CWC27: variants seen among roughly 807,000 people sequenced by gnomAD.
CWC27 encodes CWC27 spliceosome associated cyclophilin.
A neutral mutation model predicts 63.6 loss-of-function variants in CWC27; 47 were observed. That is an observed-to-expected ratio of 0.74 (90% CI 0.58 to 0.94). CWC27 has a LOEUF of 0.94. CWC27 is among the 40% of genes least tolerant of loss of function. The pLI is 0.00. For missense variants in CWC27, 495 were observed against 554.3 expected (o/e 0.89, Z 1.07); for synonymous variants, 175 against 179.8 (o/e 0.97, Z 0.22).
intron 2 of CWC27, among the ~76,000 whole-genome samples, chr5:64,775,311 C>A (rs1743402411): frequency 1.3e-5 from 2 of 152,172 alleles, no homozygotes. Flanking sequence ...ACCTGTATGA[C>A]TGTAATTGCC....
chr5:64,895,403 T>C (rs1467615985), intron 11 of CWC27, among the ~76,000 whole-genome samples: 1 of 151,564 alleles, frequency 6.6e-6, no homozygotes, highest in Non-Finnish European at 1.5e-5. Flanking sequence ...GTTTTGACAA[T>C]TATGAACAAT....
chr5:64,892,948 A>G lies in CWC27; in HGVS notation c.1042+7402A>G, dbSNP rs149542312. 2.7e-3 allele frequency among the ~76,000 whole-genome samples: 412 copies of G among 152,350 alleles called. 2 individuals are homozygous for G. The highest frequency in any genetic ancestry group is 9.5e-3 in the African/African-American group (395 of 41,584). On this transcript the variant is annotated intron_variant, in intron 11 of 13. Coordinates refer to ENST00000381070, the MANE Select transcript of CWC27 (RefSeq NM_005869.4). ...CCTCTTTCTCAGCTGGCCACTAAAA[A>G]TTCTGCAAGGAAAGATTACATTCAG...
At chr5:64,827,039 G>A (rs1745381198) in intron 10 of CWC27, among the ~76,000 whole-genome samples, 1 of 152,102 alleles carries the variant, frequency 6.6e-6, no homozygotes, top group Non-Finnish European at 1.5e-5. Flanking sequence ...AATTTTCAAT[G>A]TGTTTTTCTT....
intron 10 of CWC27, among the ~76,000 whole-genome samples, chr5:64,827,608 A>G (rs1453165315): frequency 6.6e-6 from 1 of 152,212 alleles, no homozygotes; most frequent in Non-Finnish European, 1.5e-5. Context: ...TAAAACAGAA[A>G]TAAAAACAGC....
At chr5:64,806,879 G>A in intron 10 of CWC27, among the ~76,000 whole-genome samples, 1 of 152,038 alleles carries the variant, frequency 6.6e-6, no homozygotes, top group East Asian at 1.9e-4. Flanking sequence ...AGTACTTTTG[G>A]TTATTTATAC....
intron 10 of CWC27, among the ~76,000 whole-genome samples, chr5:64,809,613 C>T (rs1192140202): frequency 3.9e-5 from 6 of 152,188 alleles, no homozygotes; most frequent in Non-Finnish European, 5.9e-5. Context: ...GTGATCCACC[C>T]GCCTCTGCCT....
chr5:65,004,406 G>GGA (rs1481599633), intron 13 of CWC27, among the ~76,000 whole-genome samples: 1 of 145,546 alleles, frequency 6.9e-6, no homozygotes, highest in African/African-American at 2.5e-5. Context: ...TTTGGTGGGG[G>GGA]GGTGGTCTGA....
chr5:64,919,419 T>G (rs1446772745), intron 11 of CWC27, among the ~76,000 whole-genome samples: 1 of 152,184 alleles, frequency 6.6e-6, no homozygotes, highest in Non-Finnish European at 1.5e-5. Flanking sequence ...GTAAATTGGG[T>G]GTCATTGAGG....
chr5:64,844,368 A>T (rs550809959), intron 10 of CWC27, among the ~76,000 whole-genome samples: 1 of 152,166 alleles, frequency 6.6e-6, no homozygotes, highest in South Asian at 2.1e-4. Context: ...ATACCAGCCA[A>T]CCTCATAGTT....
At chr5:64,826,319 A>G (rs1377652178) in intron 10 of CWC27, among the ~76,000 whole-genome samples, 1 of 152,088 alleles carries the variant, frequency 6.6e-6, no homozygotes, top group African/African-American at 2.4e-5. Flanking sequence ...TTTTTTTGTT[A>G]CTGATGTCTA....
chr5:64,789,228 A>T (rs550533512), intron 7 of CWC27, among the ~76,000 whole-genome samples: 12 of 152,146 alleles, frequency 7.9e-5, no homozygotes, highest in African/African-American at 2.9e-4. Flanking sequence ...TTGGCATTTT[A>T]AAAAAATCAG....
chr5:64,979,816 A>G (rs1449885753), intron 13 of CWC27, among the ~76,000 whole-genome samples: 1 of 152,106 alleles, frequency 6.6e-6, no homozygotes, highest in Non-Finnish European at 1.5e-5. Context: ...GATCATTTTC[A>G]TTTTCTGTCA....
intron 10 of CWC27, among the ~76,000 whole-genome samples, chr5:64,816,998 C>T (rs753076911): frequency 6.6e-6 from 1 of 152,102 alleles, no homozygotes; most frequent in Non-Finnish European, 1.5e-5. Context: ...CCAAATCTAC[C>T]TATCTGCATC....
chr5:64,996,742 C>T (rs934793966), intron 13 of CWC27, among the ~76,000 whole-genome samples: 7 of 151,926 alleles, frequency 4.6e-5, no homozygotes, highest in Non-Finnish European at 8.8e-5. Context: ...TTTTGTATTG[C>T]TTATATGTAA....
intron 10 of CWC27, among the ~76,000 whole-genome samples, chr5:64,873,517 T>A (rs1006713581): frequency 5.3e-5 from 8 of 151,814 alleles, no homozygotes; most frequent in Non-Finnish European, 8.8e-5. Flanking sequence ...CCTTTGCCCA[T>A]TTTCAAATAG....
intron 10 of CWC27, among the ~76,000 whole-genome samples, chr5:64,855,204 A>G (rs1746222069): frequency 6.6e-6 from 1 of 152,176 alleles, no homozygotes; most frequent in African/African-American, 2.4e-5. Context: ...TATTTGAAAA[A>G]AAAGTGATTT....
chr5:64,973,589 A>C (rs891114207), intron 12 of CWC27, among the ~76,000 whole-genome samples: 3 of 152,208 alleles, frequency 2.0e-5, no homozygotes, highest in Admixed American at 6.5e-5. Context: ...TCTTCTTCAC[A>C]CTATAACAAA....
rs374435678 is a variant in CWC27, at chr5:64,834,909, A to C, written c.938+30523A>C. On this transcript the variant is annotated intron_variant, in intron 10 of 13. Transcript: ENST00000381070. ...TTGTAGAACAGGAAAAGAGTTTGCA[A>C]TTCTGGGAGTGTCCCTGGGTCCTAC... Among the ~76,000 whole-genome samples, 4 of 151,722 alleles carry C rather than the reference A, an allele frequency of 2.6e-5. No individual in the cohort carries two copies. In the South Asian group the frequency reaches 8.3e-4, roughly 31 times the overall value.
chr5:64,855,869 TA>T (rs1746246109), intron 10 of CWC27, among the ~76,000 whole-genome samples: 1 of 152,098 alleles, frequency 6.6e-6, no homozygotes, highest in Non-Finnish European at 1.5e-5. Flanking sequence ...TACTTGCTTT[TA>T]GAGAAAGAAA....
Sources: allele counts gnomAD v4.1 joint callset (sites outside exome capture counted in the v4.1 genomes callset), GRCh38; gene constraint gnomAD v4.1.1; transcripts MANE v1.5; gene names NCBI Gene and HGNC (gene_info 2026-07-23, HGNC 2026-07-21).